The following SRPK2 variants were observed in gnomAD, a reference collection of about 807,000 sequenced individuals.
SRPK2 encodes SRSF protein kinase 2.
SRPK2 carries 21 observed loss-of-function variants against 90.8 expected under a neutral mutation model. The observed-to-expected ratio is 0.23, with a 90% CI of 0.16 to 0.33. The LOEUF (loss-of-function observed/expected upper bound fraction) is 0.33, where lower values mean the gene tolerates loss of function less well. Among genes scored for constraint, SRPK2 ranks in the 10% least tolerant of loss-of-function variants. The probability of loss-of-function intolerance (pLI) is 1.00; values close to 1 mark genes in which losing one functional copy is unlikely to be tolerated. For missense variants in SRPK2, 620 were observed against 869.0 expected, an observed-to-expected ratio of 0.71 and a Z score of 3.60; for synonymous variants, 288 against 311.1, an observed-to-expected ratio of 0.93 and a Z score of 0.78.
At chr7:105,284,200 A>T (rs141200140) in intron 2 of SRPK2, among the ~76,000 whole-genome samples, 139 of 152,350 alleles carry the variant, frequency 9.1e-4, no homozygotes, top group African/African-American at 3.1e-3. Flanking sequence ...ATAGTTATCA[A>T]TCTGACCAGG....
chr7:105,150,559 T>C (rs750293986), intron 7 of SRPK2, among the ~76,000 whole-genome samples: 14 of 152,146 alleles, frequency 9.2e-5, no homozygotes, highest in Non-Finnish European at 1.6e-4. Context: ...AAAGGACCAA[T>C]AGTAAGAAAG....
At chr7:105,187,464 G>C (rs1357315505) in intron 3 of SRPK2, among the ~76,000 whole-genome samples, 1 of 152,108 alleles carries the variant, frequency 6.6e-6, no homozygotes, top group African/African-American at 2.4e-5. Flanking sequence ...TCCTCACCTT[G>C]ACATCTGCCT....
intron 15 of SRPK2, among the ~76,000 whole-genome samples, chr7:105,123,807 C>G (rs902495354): frequency 6.6e-6 from 1 of 152,094 alleles, no homozygotes; most frequent in South Asian, 2.1e-4. Flanking sequence ...GTCCCAATTC[C>G]CAGTCATTTC....
intron 2 of SRPK2, among the ~76,000 whole-genome samples, chr7:105,340,239 G>A (rs1223460533): frequency 6.8e-6 from 1 of 147,384 alleles, no homozygotes; most frequent in African/African-American, 2.5e-5. Context: ...TACGCATTAT[G>A]CCGTACCACA....
intron 12 of SRPK2, 40 bp from the exon 13 acceptor site, chr7:105,132,938 A>G (rs758138658): frequency 3.7e-6 from 6 of 1,613,120 alleles, no homozygotes; most frequent in Non-Finnish European, 5.1e-6. Flanking sequence ...AGCAACACAG[A>G]CATTCAAAAA....
rs1465400200 is a variant in SRPK2, at chr7:105,300,449, C to A, written c.71+88199G>T. On this transcript the variant is annotated intron_variant, in intron 2 of 15. Transcript: ENST00000393651. ...ACGACTTATGGAAACAGAAGAATAG[C>A]CACAGGAGGAATGTATTGTAATATT... Among the ~76,000 whole-genome samples the A allele has an allele frequency of 2.6e-5, 4 of 152,004 alleles. No homozygotes were observed. The East Asian group carries it at 7.7e-4, about 29-fold the overall frequency.
At chr7:105,260,462 G>A (rs1804055921) in intron 2 of SRPK2, among the ~76,000 whole-genome samples, 2 of 152,194 alleles carry the variant, frequency 1.3e-5, no homozygotes, top group Non-Finnish European at 2.9e-5. Flanking sequence ...AACCATTGTG[G>A]AAGACAGTGT....
At chr7:105,197,940 A>G (rs1286732376) in intron 3 of SRPK2, among the ~76,000 whole-genome samples, 1 of 152,238 alleles carries the variant, frequency 6.6e-6, no homozygotes, top group African/African-American at 2.4e-5. Flanking sequence ...GCAGCCTGAT[A>G]TTGCAAGGCA....
At chr7:105,220,498 C>T (rs1171589327) in intron 2 of SRPK2, among the ~76,000 whole-genome samples, 5 of 152,062 alleles carry the variant, frequency 3.3e-5, no homozygotes, top group Non-Finnish European at 7.4e-5. Context: ...TGCACTCCAG[C>T]CTGGCGACAG....
intron 2 of SRPK2, among the ~76,000 whole-genome samples, chr7:105,223,956 G>A (rs1248497612): frequency 6.6e-6 from 1 of 152,114 alleles, no homozygotes; most frequent in Non-Finnish European, 1.5e-5. Context: ...AGCAGGCTAT[G>A]CATATCTTCA....
chr7:105,244,829 T>C (rs1209499830), intron 2 of SRPK2: 1 of 995,098 alleles, frequency 1.0e-6, no homozygotes, highest in East Asian at 2.4e-5. Context: ...CGCCAAGGAG[T>C]TACTGAAAGG....
rs374318700 is a variant in SRPK2 at position 105,122,812 on chromosome 7, C to T, written c.1915+3436G>A. Reference sequence around the variant, plus strand: ...TCTGACACACACACATACACACACGCGCGCGCACACATGCACACAATCACT... The same window carrying T: ...TCTGACACACACACATACACACACGTGCGCGCACACATGCACACAATCACT... On this transcript the variant is annotated intron_variant, in intron 15 of 15. Transcript: ENST00000393651. Among the ~76,000 whole-genome samples, 223 of 151,914 alleles carry T rather than the reference C, an allele frequency of 1.5e-3. 3 individuals are homozygous for T. The Middle Eastern group carries it at 0.024, about 16-fold the overall frequency.
At chr7:105,157,486 T>G (rs182030057) in intron 7 of SRPK2, among the ~76,000 whole-genome samples, 4 of 152,240 alleles carry the variant, frequency 2.6e-5, no homozygotes, top group Admixed American at 6.5e-5. Flanking sequence ...CTCAGGTAAG[T>G]AGATTATTAA....
At chr7:105,219,837 T>C (rs1054699737) in intron 2 of SRPK2, among the ~76,000 whole-genome samples, 1 of 152,240 alleles carries the variant, frequency 6.6e-6, no homozygotes, top group Non-Finnish European at 1.5e-5. Flanking sequence ...CCAAAATATG[T>C]AGGTACCGTG....
rs1428030090 is a variant in SRPK2, at chr7:105,117,557, C to G, written c.*281G>C. ...AAGTATTTTTCATTCAAAAAAATGACATTTGAATGTCACACAACACAAGAA... is the reference window on the plus strand; with the variant it reads ...AAGTATTTTTCATTCAAAAAAATGAGATTTGAATGTCACACAACACAAGAA... On this transcript the variant is annotated 3_prime_UTR_variant, in exon 16 of 16. Coordinates refer to ENST00000393651, the MANE Select transcript of SRPK2 (RefSeq NM_182692.3). 2.7e-6 allele frequency: 1 copy of G among 370,664 alleles called. No homozygotes were observed. Among genetic ancestry groups the G allele is most frequent in the East Asian group, 5.3e-5 (1 of 18,904 alleles). 23.0% of individuals were successfully genotyped at this position (370,664 alleles called of 1,614,324 possible). A position where few individuals can be genotyped will look rare whatever the true frequency, so the allele number is the denominator to read the frequency against.
chr7:105,224,051 T>C (rs1798419926), intron 2 of SRPK2, among the ~76,000 whole-genome samples: 3 of 152,220 alleles, frequency 2.0e-5, no homozygotes, highest in South Asian at 4.1e-4. Flanking sequence ...TTATTTCATA[T>C]GGATAACCAA....
chr7:105,338,725 GGAT>G (rs1383432955), intron 2 of SRPK2, among the ~76,000 whole-genome samples: 2 of 152,090 alleles, frequency 1.3e-5, no homozygotes, highest in African/African-American at 2.4e-5. Context: ...GTTGTAAATA[GGAT>G]GATTTTCATT....
chr7:105,380,295 C>A (rs1459935986), intron 2 of SRPK2, among the ~76,000 whole-genome samples: 1 of 151,954 alleles, frequency 6.6e-6, no homozygotes, highest in Non-Finnish European at 1.5e-5. Flanking sequence ...CCACTCCCAG[C>A]TAATTTCTGT....
intron 3 of SRPK2, among the ~76,000 whole-genome samples, chr7:105,202,693 T>C (rs73715443): frequency 0.012 from 1,811 of 152,324 alleles, 30 homozygotes; most frequent in African/African-American, 0.042. Context: ...CGTGAAATCA[T>C]AGCTGAAAAC....
Sources: allele counts gnomAD v4.1 joint callset (sites outside exome capture counted in the v4.1 genomes callset), GRCh38; gene constraint gnomAD v4.1.1; transcripts MANE v1.5; gene names NCBI Gene and HGNC (gene_info 2026-07-23, HGNC 2026-07-21).